Variants in IKBKB observed in about 807,000 individuals in gnomAD.
The protein encoded by IKBKB is inhibitor of nuclear factor kappa-B kinase subunit beta.
In IKBKB, 42 loss-of-function variants were observed where a neutral mutation model predicts 113.6. The observed-to-expected ratio is 0.37, with a 90% CI of 0.29 to 0.48. The LOEUF is 0.48. IKBKB is among the 20% of genes least tolerant of loss of function. The probability of loss-of-function intolerance (pLI) is 0.99; values close to 1 mark genes in which losing one functional copy is unlikely to be tolerated. For missense variants in IKBKB, 673 were observed against 939.7 expected (o/e 0.72, Z 3.71); for synonymous variants, 296 against 361.3 (o/e 0.82, Z 2.05).
At position 42,307,784 on chromosome 8, in the gene IKBKB, A is replaced by G. The variant is rs915439557; in HGVS notation, c.568-1117A>G. ...GAGCTGAGTCAAGTCATGTACTCAC[A>G]TGAGCTAAAACGTCTGCCCATAACC... On this transcript the variant is annotated intron_variant, in intron 7 of 21. Transcript: ENST00000520810. Among the ~76,000 whole-genome samples the G allele has an allele frequency of 3.7e-4, 57 of 152,316 alleles. 1 individual carries two copies. Among genetic ancestry groups the G allele is most frequent in the African/African-American group, 9.9e-4 (41 of 41,560 alleles).
intron 11 of IKBKB, 131 bp from the exon 12 acceptor site, chr8:42,317,526 A>G (rs1818925560): frequency 4.5e-6 from 3 of 670,718 alleles, no homozygotes; most frequent in Non-Finnish European, 8.1e-6. Context: ...CACTTCATGG[A>G]TGCTTCCTAC....
At chr8:42,305,883 T>A (rs1397421220) in intron 6 of IKBKB, among the ~76,000 whole-genome samples, 1 of 152,246 alleles carries the variant, frequency 6.6e-6, no homozygotes, top group Non-Finnish European at 1.5e-5. Context: ...GATCACCTAA[T>A]CCCTTCCCAT....
chr8:42,303,058 A>AGG (rs1035485137), intron 5 of IKBKB, among the ~76,000 whole-genome samples: 2 of 130,150 alleles, frequency 1.5e-5, no homozygotes, highest in Non-Finnish European at 3.2e-5. Flanking sequence ...GCTTGCCGAG[A>AGG]GGGAGAGAGA....
rs887482998 is a variant in IKBKB, at chr8:42,316,086, A to G, written c.801-124A>G. The G allele has an allele frequency of 4.9e-6, 5 of 1,017,296 alleles. No homozygotes were observed. In the African/African-American group the frequency reaches 6.4e-5, roughly 13 times the overall value. The allele number at this position is 1,017,296 out of a possible 1,614,324, so 63.0% of individuals were successfully genotyped here. Reference sequence around the variant, plus strand: ...ATTGGAAATGTTTATACTGTTTCTGATAAACCCATTTTCATTTTCAATCAC... The same window carrying G: ...ATTGGAAATGTTTATACTGTTTCTGGTAAACCCATTTTCATTTTCAATCAC... On this transcript the variant is annotated intron_variant, in intron 9 of 21. Coordinates refer to ENST00000520810, the MANE Select transcript of IKBKB (RefSeq NM_001556.3). This position sits in a 1 kb window ranked among gnomAD's most constrained non-coding sequence, Gnocchi z 4.5.
At chr8:42,323,171 G>A (rs918550688) in intron 19 of IKBKB, among the ~76,000 whole-genome samples, 1 of 152,222 alleles carries the variant, frequency 6.6e-6, no homozygotes, top group Non-Finnish European at 1.5e-5. Flanking sequence ...GTAGTCCAGG[G>A]TGATGTCATC....
rs1342279878 is a variant in IKBKB at position 42,331,300 on chromosome 8, G to A, written c.*321G>A. On this transcript the variant is annotated 3_prime_UTR_variant, in exon 22 of 22. Coordinates refer to ENST00000520810, the MANE Select transcript of IKBKB (RefSeq NM_001556.3). ...AGCGCACATCGCTGGCCCCACAAACGTTCAGGGGTACAGCCATGGCAGCTC... is the reference window on the plus strand; with the variant it reads ...AGCGCACATCGCTGGCCCCACAAACATTCAGGGGTACAGCCATGGCAGCTC... The A allele has an allele frequency of 4.3e-6, 3 of 702,440 alleles. No individual in the cohort carries two copies. The highest frequency in any genetic ancestry group is 7.8e-6 in the Non-Finnish European group (3 of 385,122). 43.5% of individuals were successfully genotyped at this position (702,440 alleles called of 1,614,324 possible).
chr8:42,290,048 C>G, intron 3 of IKBKB, 108 bp from the exon 4 acceptor site: 1 of 780,570 alleles, frequency 1.3e-6, no homozygotes, highest in Non-Finnish European at 2.1e-6. Context: ...TCCTCTGTTT[C>G]AAAGCCCTGG....
intron 5 of IKBKB, 28 bp downstream of exon 5, chr8:42,293,540 G>A (rs199996818): frequency 1.2e-4 from 187 of 1,613,982 alleles, no homozygotes; most frequent in Admixed American, 1.7e-4. Context: ...AATTCAGGCC[G>A]TGTCCTTCAG....
At chr8:42,326,678 G>C (rs963331857) in intron 20 of IKBKB, among the ~76,000 whole-genome samples, 2 of 152,162 alleles carry the variant, frequency 1.3e-5, no homozygotes, top group Admixed American at 6.5e-5. Context: ...CTCCATTATA[G>C]ATGCTCAGGT....
intron 5 of IKBKB, chr8:42,298,190 A>C: frequency 3.0e-6 from 3 of 985,468 alleles, no homozygotes; most frequent in Non-Finnish European, 3.6e-6. Flanking sequence ...TCAAGATTGC[A>C]GGGCAGGCTG....
intron 8 of IKBKB, among the ~76,000 whole-genome samples, chr8:42,310,204 T>C (rs1057317088): frequency 6.6e-5 from 10 of 152,244 alleles, no homozygotes; most frequent in African/African-American, 2.4e-4. Context: ...CTAGTTTAAA[T>C]GATGCTACTC....
At chr8:42,320,670 C>G (rs956710488) in intron 15 of IKBKB, 65 bp from the exon 16 acceptor site, 7 of 1,348,466 alleles carry the variant, frequency 5.2e-6, no homozygotes, top group Non-Finnish European at 4.2e-6. Context: ...CTCGCTCCCC[C>G]GCAGATCTTG....
At chr8:42,290,893 C>G (rs1030248876) in intron 4 of IKBKB, among the ~76,000 whole-genome samples, 1 of 152,234 alleles carries the variant, frequency 6.6e-6, no homozygotes, top group African/African-American at 2.4e-5. Context: ...GGCAGCCCCT[C>G]CTGGTCTCAG....
At chr8:42,289,131 C>T (rs950030035) in intron 3 of IKBKB, among the ~76,000 whole-genome samples, 2 of 152,176 alleles carry the variant, frequency 1.3e-5, no homozygotes, top group African/African-American at 2.4e-5. Context: ...AGGAGAATGG[C>T]GTGAACCCAG....
At chr8:42,317,287 G>T in intron 11 of IKBKB, 1 of 424,214 alleles carries the variant, frequency 2.4e-6, no homozygotes, top group Non-Finnish European at 4.4e-6. Flanking sequence ...GTACAGAACT[G>T]GGTTAGGCAC....
At chr8:42,315,453 G>A (rs1818497909) in intron 9 of IKBKB, among the ~76,000 whole-genome samples, 1 of 152,120 alleles carries the variant, frequency 6.6e-6, no homozygotes, top group Admixed American at 6.5e-5. Context: ...ACGTTTGGGA[G>A]GTGGTGAGTA....
intron 19 of IKBKB, 109 bp downstream of exon 19, chr8:42,322,603 CCACT>C: frequency 8.8e-7 from 1 of 1,138,274 alleles, no homozygotes. Context: ...CACCAGCAGC[CCACT>C]CAGCTGCTGC....
intron 16 of IKBKB, chr8:42,321,184 A>G: frequency 4.9e-6 from 1 of 202,756 alleles, no homozygotes. Context: ...GGCATAGCTC[A>G]GAGCAGAAAG....
rs200911368 is a variant in IKBKB at position 42,306,453 on chromosome 8, G to C, written c.567+21G>C. The C allele has an allele frequency of 3.3e-6, 5 of 1,533,206 alleles. No homozygotes were observed. In the South Asian group the frequency reaches 4.5e-5, roughly 14 times the overall value. 95.0% of individuals were successfully genotyped at this position (1,533,206 alleles called of 1,614,324 possible). Reference sequence around the variant, plus strand: ...ACCTGGTAAGAAGTGGGCCTTGCCTGTTTGCCTGTCAGCTCCTCCCTGCTG... The same window carrying C: ...ACCTGGTAAGAAGTGGGCCTTGCCTCTTTGCCTGTCAGCTCCTCCCTGCTG... On this transcript the variant is annotated intron_variant, in intron 7 of 21. Coordinates refer to ENST00000520810, the MANE Select transcript of IKBKB (RefSeq NM_001556.3).
Sources: allele counts gnomAD v4.1 joint callset (sites outside exome capture counted in the v4.1 genomes callset), GRCh38; gene constraint gnomAD v4.1.1; non-coding constraint Gnocchi (gnomAD v3.1); transcripts MANE v1.5; gene names NCBI Gene and HGNC (gene_info 2026-07-23, HGNC 2026-07-21).